Variants in SAMD12 observed in about 807,000 individuals in gnomAD.
The protein encoded by SAMD12 is sterile alpha motif domain-containing protein 12.
Under a neutral mutation model 15.0 loss-of-function variants are expected in SAMD12, and 9 were observed. That is an observed-to-expected ratio of 0.60 (90% confidence interval 0.36 to 1.05). The LOEUF (loss-of-function observed/expected upper bound fraction) is 1.05, where lower values mean the gene tolerates loss of function less well. Ranked by LOEUF, SAMD12 falls within the 50% of genes least tolerant of loss-of-function variation. The pLI is 0.01. For missense variants in SAMD12, 230 were observed against 234.2 expected (o/e 0.98, Z 0.12); for synonymous variants, 86 against 90.1 (o/e 0.96, Z 0.25).
intron 2 of SAMD12, among the ~76,000 whole-genome samples, chr8:118,528,602 G>A (rs1038371040): frequency 6.6e-6 from 1 of 152,214 alleles, no homozygotes; most frequent in Non-Finnish European, 1.5e-5. Context: ...ATATAGAGCA[G>A]ATTTCATTCT....
intron 4 of SAMD12, among the ~76,000 whole-genome samples, chr8:118,237,577 T>C (rs1287513133): frequency 6.6e-6 from 1 of 152,092 alleles, no homozygotes; most frequent in African/African-American, 2.4e-5. Flanking sequence ...AAGAGCCAGC[T>C]GAGGTTATAT....
chr8:118,148,784 T>C, the SAMD12 span, among the ~76,000 whole-genome samples: 1 of 152,252 alleles, frequency 6.6e-6, no homozygotes, highest in African/African-American at 2.4e-5. Flanking sequence ...TCATGTCATA[T>C]GTGGTTATTT....
intron 4 of SAMD12, among the ~76,000 whole-genome samples, chr8:118,262,588 G>A (rs1036522850): frequency 1.3e-5 from 2 of 152,124 alleles, no homozygotes; most frequent in Admixed American, 6.6e-5. Context: ...ACAAGAAAAT[G>A]AGGTGGCGGC....
At chr8:118,545,009 T>C (rs572071674) in intron 2 of SAMD12, among the ~76,000 whole-genome samples, 2 of 152,318 alleles carry the variant, frequency 1.3e-5, no homozygotes, top group Admixed American at 1.3e-4. Context: ...TGTTTCACAC[T>C]AGCTGCAACA....
At chr8:118,402,767 A>G (rs1341163441) in intron 3 of SAMD12, among the ~76,000 whole-genome samples, 1 of 152,240 alleles carries the variant, frequency 6.6e-6, no homozygotes, top group African/African-American at 2.4e-5. Flanking sequence ...GCTGGCATTC[A>G]CTAAGACAAT....
intron 2 of SAMD12, among the ~76,000 whole-genome samples, chr8:118,490,375 C>T (rs1037922045): frequency 6.6e-6 from 1 of 152,090 alleles, no homozygotes; most frequent in Non-Finnish European, 1.5e-5. Flanking sequence ...AAGTGTTATT[C>T]GTGTTGATGA....
chr8:118,330,807 C>T (rs535285774), intron 4 of SAMD12, among the ~76,000 whole-genome samples: 7 of 152,082 alleles, frequency 4.6e-5, no homozygotes, highest in South Asian at 4.2e-4. Context: ...GGTTCCCAAG[C>T]GACATGATCA....
intron 4 of SAMD12, among the ~76,000 whole-genome samples, chr8:118,333,677 A>G (rs999089206): frequency 6.6e-6 from 1 of 152,108 alleles, no homozygotes; most frequent in Non-Finnish European, 1.5e-5. Flanking sequence ...TAGGAGCTCA[A>G]GAGATACTTT....
At chr8:118,197,739 G>A (rs375011005) in intron 4 of SAMD12, 2 of 1,612,368 alleles carry the variant, frequency 1.2e-6, no homozygotes, top group Non-Finnish European at 1.7e-6. Context: ...GATGCTGCAA[G>A]AAGAAAAAGG....
chr8:118,195,017 A>G (rs980584006), exon 5 of SAMD12: 16 of 152,224 alleles, frequency 1.1e-4, no homozygotes, highest in African/African-American at 3.1e-4. Context: ...TTAGAGATAC[A>G]GTCTTCAATG....
chr8:118,240,450 G>T (rs1812539447), intron 4 of SAMD12, among the ~76,000 whole-genome samples: 1 of 152,098 alleles, frequency 6.6e-6, no homozygotes, highest in African/African-American at 2.4e-5. Flanking sequence ...GACAGTTCTG[G>T]ATTTGCATTC....
the SAMD12 span, among the ~76,000 whole-genome samples, chr8:118,133,034 AC>A: frequency 8.8e-6 from 1 of 114,220 alleles, no homozygotes; most frequent in East Asian, 2.5e-4. Flanking sequence ...ATATCTTATT[AC>A]TTAATATGAG....
At chr8:118,458,064 C>T (rs762350975) in intron 2 of SAMD12, among the ~76,000 whole-genome samples, 1 of 152,146 alleles carries the variant, frequency 6.6e-6, no homozygotes, top group Non-Finnish European at 1.5e-5. Context: ...AGCAGAAAAA[C>T]TCTCCCATTT....
chr8:118,582,767 T>G (rs1827328865), intron 1 of SAMD12, among the ~76,000 whole-genome samples: 1 of 152,178 alleles, frequency 6.6e-6, no homozygotes, highest in Admixed American at 6.5e-5. Flanking sequence ...GTATACACGA[T>G]TTCATATTAC....
At chr8:118,184,146 C>A in the SAMD12 span, among the ~76,000 whole-genome samples, 1 of 151,940 alleles carries the variant, frequency 6.6e-6, no homozygotes, top group African/African-American at 2.4e-5. Flanking sequence ...ATTATAGCAA[C>A]CTTTGTTTTT....
At chr8:118,414,719 C>T (rs4876830) in intron 3 of SAMD12, among the ~76,000 whole-genome samples, 141,110 of 152,202 alleles carry the variant, frequency 0.93, 65,748 homozygotes, top group Non-Finnish European at 0.98. Flanking sequence ...ATTGCTTGTA[C>T]GGCAGTATGA....
chr8:118,397,464 AG>A (rs1405694550), intron 3 of SAMD12, among the ~76,000 whole-genome samples: 1 of 152,178 alleles, frequency 6.6e-6, no homozygotes, highest in Non-Finnish European at 1.5e-5. Flanking sequence ...TTGCAATATA[AG>A]GTCCTTGAAG....
intron 2 of SAMD12, among the ~76,000 whole-genome samples, chr8:118,503,359 C>T (rs1824837997): frequency 6.6e-6 from 1 of 152,104 alleles, no homozygotes; most frequent in Non-Finnish European, 1.5e-5. Flanking sequence ...GGGAATCGGT[C>T]TTTAATAGGG....
At chr8:118,437,194 A>G (rs899712741) in intron 3 of SAMD12, among the ~76,000 whole-genome samples, 2 of 152,084 alleles carry the variant, frequency 1.3e-5, no homozygotes, top group Non-Finnish European at 2.9e-5. Flanking sequence ...CCCGAAAGCT[A>G]TTTTCTGGCC....
Sources: allele counts gnomAD v4.1 joint callset (sites outside exome capture counted in the v4.1 genomes callset), GRCh38; gene constraint gnomAD v4.1.1; transcripts MANE v1.5; gene names NCBI Gene and HGNC (gene_info 2026-07-23, HGNC 2026-07-21).